The following TTYH2 variants were observed in gnomAD, a reference collection of about 807,000 sequenced individuals.
The protein encoded by TTYH2 is tweety family member 2.
A neutral mutation model predicts 68.3 loss-of-function variants in TTYH2; 49 were observed. The observed-to-expected ratio is 0.72, with a 90% CI of 0.57 to 0.91. The LOEUF (loss-of-function observed/expected upper bound fraction) is 0.91, where lower values mean the gene tolerates loss of function less well. TTYH2 is among the 40% of genes least tolerant of loss of function. TTYH2 has a pLI of 0.00. For synonymous variants in TTYH2, 272 were observed against 300.8 expected (o/e 0.90, Z 0.99); for missense variants, 631 against 700.4 (o/e 0.90, Z 1.12).
In TTYH2 at chr17:74,248,616, G is replaced by A. The variant is rs188369395; in HGVS notation, c.805-395G>A. On this transcript the variant is annotated intron_variant, in intron 6 of 13. Coordinates refer to ENST00000269346, the MANE Select transcript of TTYH2 (RefSeq NM_032646.6). The stretch of plus-strand genomic sequence containing the variant: ...ACAGCAGATGAGGCCATGGTGTAAC[G>A]AACTCCCACACACACAGCCTGCAGC... 43 of 1,080,662 alleles carry A rather than the reference G, an allele frequency of 4.0e-5. 1 individual carries two copies. Among genetic ancestry groups the A allele is most frequent in the African/African-American group, 3.7e-4 (23 of 62,026 alleles). 66.9% of individuals were successfully genotyped at this position (1,080,662 alleles called of 1,614,324 possible).
At chr17:74,246,061 G>T (rs1047198994) in intron 6 of TTYH2, among the ~76,000 whole-genome samples, 1 of 152,216 alleles carries the variant, frequency 6.6e-6, no homozygotes, top group African/African-American at 2.4e-5. Flanking sequence ...AGGTGTCTGG[G>T]GTGAGGGGCT....
intron 4 of TTYH2, among the ~76,000 whole-genome samples, chr17:74,243,103 A>G (rs931899145): frequency 6.6e-6 from 1 of 152,204 alleles, no homozygotes; most frequent in African/African-American, 2.4e-5. Flanking sequence ...CAGCTCCTCC[A>G]CTGGGGAAAG....
At position 74,241,796 on chromosome 17, in the gene TTYH2, G is replaced by A. The variant is rs954751963; in HGVS notation, c.636-1578G>A. Among the ~76,000 whole-genome samples the A allele has an allele frequency of 3.3e-5, 5 of 152,084 alleles. No homozygotes were observed. The highest frequency in any genetic ancestry group is 4.8e-5 in the African/African-American group (2 of 41,422). Reference sequence around the variant, plus strand: ...CGGGGAAGCCCCTGTCTCTGTGCCCGCCCCTCCTCTGTCCACTCTCCCGCT... The same window carrying A: ...CGGGGAAGCCCCTGTCTCTGTGCCCACCCCTCCTCTGTCCACTCTCCCGCT... On this transcript the variant is annotated intron_variant, in intron 4 of 13. Transcript: ENST00000269346. The surrounding 1 kb of genome is among the most constrained non-coding windows in gnomAD (Gnocchi z 4.1).
rs185664963 is a variant in TTYH2, at chr17:74,229,763, G to A, written c.303-1125G>A. 7.9e-5 allele frequency among the ~76,000 whole-genome samples: 12 copies of A among 152,328 alleles called. No homozygotes were observed. The East Asian group carries it at 1.7e-3, about 22-fold the overall frequency. On this transcript the variant is annotated intron_variant, in intron 2 of 13. Coordinates refer to ENST00000269346, the MANE Select transcript of TTYH2 (RefSeq NM_032646.6). ...ATTACTAAGCGAAAGAAGCCAGTCC[G>A]AAAATGCTCCACACTGTATCGTTTC...
intron 13 of TTYH2, 37 bp downstream of exon 13, chr17:74,253,870 A>C (rs966795098): frequency 2.5e-6 from 4 of 1,605,788 alleles, no homozygotes; most frequent in Non-Finnish European, 3.4e-6. Context: ...TTGGGGTAAT[A>C]CATAAAGACA....
rs1213718038 is a variant in TTYH2, at chr17:74,215,455, G to C, written c.129+1739G>C. Among the ~76,000 whole-genome samples, 1 of 152,140 alleles carries C rather than the reference G, an allele frequency of 6.6e-6. No individual in the cohort carries two copies. Among genetic ancestry groups the C allele is most frequent in the South Asian group, 2.1e-4 (1 of 4,832 alleles). On this transcript the variant is annotated intron_variant, in intron 1 of 13. Coordinates refer to ENST00000269346, the MANE Select transcript of TTYH2 (RefSeq NM_032646.6). This position sits in a 1 kb window ranked among gnomAD's most constrained non-coding sequence, Gnocchi z 4.3. Reference sequence around the variant, plus strand: ...CCATGGGCAGGTGGCAGTTGAGCCAGATGAACCTACCTCCAGCCTCTGCCC... The same window carrying C: ...CCATGGGCAGGTGGCAGTTGAGCCACATGAACCTACCTCCAGCCTCTGCCC...
At chr17:74,231,084 C>G in intron 3 of TTYH2, 85 bp downstream of exon 3, 1 of 1,251,194 alleles carries the variant, frequency 8.0e-7, no homozygotes, top group East Asian at 2.4e-5. Context: ...CAGATCCCAG[C>G]TAGCTCAGCT....
intron 13 of TTYH2, 108 bp downstream of exon 13, chr17:74,253,941 G>A: frequency 8.2e-7 from 1 of 1,215,966 alleles, no homozygotes; most frequent in East Asian, 2.4e-5. Flanking sequence ...AAACTGTTCT[G>A]TTATTGAATA....
rs1188652980 is a variant in TTYH2, at chr17:74,239,204, C to T, written c.635+1690C>T. Among the ~76,000 whole-genome samples, 1 of 152,202 alleles carries T rather than the reference C, an allele frequency of 6.6e-6. No homozygotes were observed. Among genetic ancestry groups the T allele is most frequent in the Non-Finnish European group, 1.5e-5 (1 of 68,042 alleles). The stretch of plus-strand genomic sequence containing the variant: ...GGAGCAGGGACCTGCTGCCCCTCTC[C>T]AGGTGCAGGGTCCAGCGAAGTTTGC... On this transcript the variant is annotated intron_variant, in intron 4 of 13. Coordinates refer to ENST00000269346, the MANE Select transcript of TTYH2 (RefSeq NM_032646.6). The surrounding 1 kb of genome is among the most constrained non-coding windows in gnomAD (Gnocchi z 5.3).
intron 1 of TTYH2, among the ~76,000 whole-genome samples, chr17:74,218,815 A>T: frequency 6.6e-6 from 1 of 152,192 alleles, no homozygotes; most frequent in East Asian, 1.9e-4. Flanking sequence ...CCCACTGGGG[A>T]TAAAATGATA....
chr17:74,259,983 A>C lies in TTYH2; in HGVS notation c.1525-146A>C, dbSNP rs1351741049. 12 of 710,332 alleles carry C rather than the reference A, an allele frequency of 1.7e-5. No individual in the cohort carries two copies. In the East Asian group the frequency reaches 3.0e-4, roughly 18 times the overall value. 44.0% of individuals were successfully genotyped at this position (710,332 alleles called of 1,614,324 possible). ...TTTTTTATTTGAGGCTGGGAGGCAGAAGTCTTGATGGATGTGGGGTGGAGG... is the reference window on the plus strand; with the variant it reads ...TTTTTTATTTGAGGCTGGGAGGCAGCAGTCTTGATGGATGTGGGGTGGAGG... On this transcript the variant is annotated intron_variant, in intron 13 of 13. Transcript: ENST00000269346.
chr17:74,253,337 C>T (rs1000813708), intron 12 of TTYH2, 71 bp downstream of exon 12: 4 of 1,493,668 alleles, frequency 2.7e-6, no homozygotes, highest in African/African-American at 1.4e-5. Flanking sequence ...TCCACAGTGC[C>T]GGGTGTGGGG....
At chr17:74,252,670 C>G (rs2050646004) in intron 11 of TTYH2, among the ~76,000 whole-genome samples, 2 of 152,190 alleles carry the variant, frequency 1.3e-5, no homozygotes, top group Admixed American at 6.5e-5. Context: ...CAGGACTTTG[C>G]GATCTGGAAT....
At chr17:74,220,061 GACTCAA>G (rs1198371052) in intron 1 of TTYH2, among the ~76,000 whole-genome samples, 1 of 151,412 alleles carries the variant, frequency 6.6e-6, no homozygotes, top group Non-Finnish European at 1.5e-5. Context: ...GCCCAGGCTA[GACTCAA>G]ACTCCTGGGC....
rs532616060 is a variant in TTYH2, at chr17:74,232,424, C to G, written c.414+1425C>G. Among the ~76,000 whole-genome samples the G allele has an allele frequency of 6.6e-6, 1 of 152,214 alleles. No individual in the cohort carries two copies. Among genetic ancestry groups the G allele is most frequent in the African/African-American group, 2.4e-5 (1 of 41,464 alleles). Reference sequence around the variant, plus strand: ...CGCCCGTGTCCACTGGGACCCATCCCCTTAGCTGAGCGCTGAGTCCCAGTG... The same window carrying G: ...CGCCCGTGTCCACTGGGACCCATCCGCTTAGCTGAGCGCTGAGTCCCAGTG... On this transcript the variant is annotated intron_variant, in intron 3 of 13. Transcript: ENST00000269346. This position sits in a 1 kb window ranked among gnomAD's most constrained non-coding sequence, Gnocchi z 5.1.
At position 74,215,527 on chromosome 17, in the gene TTYH2, A is replaced by G; in HGVS notation, c.129+1811A>G. The G allele has an allele frequency of 3.7e-6, 4 of 1,092,676 alleles. No individual in the cohort carries two copies. The highest frequency in any genetic ancestry group is 5.2e-6 in the Non-Finnish European group (4 of 771,348). 67.7% of individuals were successfully genotyped at this position (1,092,676 alleles called of 1,614,324 possible). A position where few individuals can be genotyped will look rare whatever the true frequency, so the allele number is the denominator to read the frequency against. ...CGGCTCACTTTGTGCTGGGCATCAA[A>G]TGGTTCCAGAGGGTGTCCCTTCCCA... On this transcript the variant is annotated intron_variant, in intron 1 of 13. Transcript: ENST00000269346. This position sits in a 1 kb window ranked among gnomAD's most constrained non-coding sequence, Gnocchi z 4.3.
chr17:74,226,393 G>T (rs1470132062), intron 2 of TTYH2, among the ~76,000 whole-genome samples: 1 of 152,078 alleles, frequency 6.6e-6, no homozygotes, highest in East Asian at 1.9e-4. Flanking sequence ...AAGGGCACAG[G>T]AGTCACTGGG....
In TTYH2 at chr17:74,239,153, A is replaced by G. The variant is rs2050474158; in HGVS notation, c.635+1639A>G. ...CTCCCCATTTGCCAAATCCCAGCCT[A>G]GCCAGAGGCACTGGACACAATCGGC... is the stretch of plus-strand genomic sequence containing the variant. On this transcript the variant is annotated intron_variant, in intron 4 of 13. Transcript: ENST00000269346. This position sits in a 1 kb window ranked among gnomAD's most constrained non-coding sequence, Gnocchi z 5.3. Among the ~76,000 whole-genome samples the G allele has an allele frequency of 6.6e-6, 1 of 152,168 alleles. No homozygotes were observed. Among genetic ancestry groups the G allele is most frequent in the African/African-American group, 2.4e-5 (1 of 41,452 alleles).
chr17:74,256,479 CCT>C (rs1043429784), intron 13 of TTYH2, among the ~76,000 whole-genome samples: 1 of 152,106 alleles, frequency 6.6e-6, no homozygotes, highest in Non-Finnish European at 1.5e-5. Context: ...AACCAATCCC[CCT>C]GTCATTCACT....
Sources: allele counts gnomAD v4.1 joint callset (sites outside exome capture counted in the v4.1 genomes callset), GRCh38; gene constraint gnomAD v4.1.1; non-coding constraint Gnocchi (gnomAD v3.1); transcripts MANE v1.5; gene names NCBI Gene and HGNC (gene_info 2026-07-23, HGNC 2026-07-21).